Variants in PDLIM3 observed in about 807,000 individuals in gnomAD.
PDLIM3 encodes PDZ and LIM domain 3.
PDLIM3 carries 36 observed loss-of-function variants against 37.3 expected under a neutral mutation model. That is an observed-to-expected ratio of 0.97 (90% CI 0.74 to 1.28). PDLIM3 has a LOEUF of 1.28. Ranked by LOEUF, PDLIM3 falls within the 50% of genes most tolerant of loss-of-function variation. PDLIM3 has a pLI of 0.00. For synonymous variants in PDLIM3, 174 were observed against 182.4 expected (o/e 0.95, Z 0.37); for missense variants, 454 against 485.0 (o/e 0.94, Z 0.60).
intron 3 of PDLIM3, among the ~76,000 whole-genome samples, chr4:185,519,729 G>C (rs571055237): frequency 5.8e-4 from 89 of 152,254 alleles, no homozygotes; most frequent in African/African-American, 2.0e-3. Flanking sequence ...CTGTGGCTGG[G>C]CTTGGATGGT....
chr4:185,531,832 G>A (rs756903445), intron 1 of PDLIM3, among the ~76,000 whole-genome samples: 2 of 150,640 alleles, frequency 1.3e-5, no homozygotes, highest in African/African-American at 2.4e-5. Context: ...GGTGGCTCAC[G>A]ACTGTAATCA....
chr4:185,524,225 A>C (rs1286792477), intron 2 of PDLIM3, among the ~76,000 whole-genome samples: 2 of 152,114 alleles, frequency 1.3e-5, no homozygotes, highest in Non-Finnish European at 2.9e-5. Context: ...AGTGGCTCCT[A>C]AGGGACTGTG....
chr4:185,535,165 T>C (rs1264188973), intron 1 of PDLIM3, among the ~76,000 whole-genome samples, 177 bp downstream of exon 1: 4 of 152,148 alleles, frequency 2.6e-5, no homozygotes, highest in Non-Finnish European at 4.4e-5. Context: ...CCGCAGCCAC[T>C]TGACGGAGTT....
chr4:185,507,257 T>C (rs1384069706), intron 5 of PDLIM3, among the ~76,000 whole-genome samples: 3 of 152,212 alleles, frequency 2.0e-5, no homozygotes, highest in Admixed American at 6.5e-5. Context: ...CATTTTTATA[T>C]CTGCTATAAC....
At chr4:185,507,334 A>G (rs549840345) in intron 5 of PDLIM3, among the ~76,000 whole-genome samples, 2 of 152,340 alleles carry the variant, frequency 1.3e-5, no homozygotes, top group South Asian at 4.1e-4. Context: ...CAGCTTTAAC[A>G]TGCTTTCTAC....
Position 185,527,669 on chromosome 4 carries a change from AT to A in PDLIM3, c.94-2499del, listed in dbSNP as rs375352876. 2.6e-3 allele frequency among the ~76,000 whole-genome samples: 390 copies of A among 152,344 alleles called. 1 individual carries two copies. The highest frequency in any genetic ancestry group is 9.1e-3 in the African/African-American group (377 of 41,568). On this transcript the variant is annotated intron_variant, in intron 1 of 7. Transcript: ENST00000284767. ...CCCAAAGTGACTTGTAAGGATAAAA[AT>A]AATCTTAAACTTTTAATTTTCTCTC... is the stretch of plus-strand genomic sequence containing the variant.
Position 185,525,114 on chromosome 4 carries a change from C to G in PDLIM3, c.151G>C (p.Ala51Pro). The change falls in exon 2 of 8, where the codon GCT (alanine) becomes CCT (proline). Residue 51 changes from alanine (A) to proline (P), a missense_variant. Physicochemically the swap from Ala to Pro is conservative, Grantham distance 27. Transcript: ENST00000284767. Reference sequence around the variant, plus strand: ...GACTCTGTCCCAAAGCCGTCAATAGCCAGGATGACATCTCCAGGACACAGG... The same window carrying G: ...GACTCTGTCCCAAAGCCGTCAATAGGCAGGATGACATCTCCAGGACACAGG... ...ANLCPGDVILAIDGFGTESMT... is the reference protein window; with the variant it reads ...ANLCPGDVILPIDGFGTESMT... 3 of 1,614,130 alleles carry G rather than the reference C, an allele frequency of 1.9e-6. No homozygotes were observed. Among genetic ancestry groups the G allele is most frequent in the Non-Finnish European group, 2.5e-6 (3 of 1,179,962 alleles).
chr4:185,512,550 AT>A lies in PDLIM3; in HGVS notation c.398+1719del, dbSNP rs544454098. ...CCCTATGTTTAAGTTAAAATGAAAA[AT>A]TTTTTTAAAAGGTGATTATATACCT... On this transcript the variant is annotated intron_variant, in intron 4 of 7. Transcript: ENST00000284767. 1.0e-4 allele frequency: 54 copies of A among 514,538 alleles called. 1 individual carries two copies. The highest frequency in any genetic ancestry group is 8.9e-4 in the African/African-American group (43 of 48,124). The allele number at this position is 514,538 out of a possible 1,614,324, so 31.9% of individuals were successfully genotyped here. A position where few individuals can be genotyped will look rare whatever the true frequency, so the allele number is the denominator to read the frequency against.
rs2095687013 is a variant in PDLIM3, at chr4:185,501,495, A to G, written c.*799T>C. ...GACTGAATATTGATCTGAAAGAGAT[A>G]TTTAAATTGAAAGAGTCTCTGTTGA... On this transcript the variant is annotated 3_prime_UTR_variant, in exon 8 of 8. Coordinates refer to ENST00000284767, the MANE Select transcript of PDLIM3 (RefSeq NM_014476.6). 1 of 152,268 alleles carries G rather than the reference A, an allele frequency of 6.6e-6. No individual in the cohort carries two copies. Among genetic ancestry groups the G allele is most frequent in the African/African-American group, 2.4e-5 (1 of 41,464 alleles). 9.4% of individuals were successfully genotyped at this position (152,268 alleles called of 1,614,324 possible).
rs529379975 is a variant in PDLIM3, at chr4:185,535,139, A to T, written c.93+203T>A. On this transcript the variant is annotated intron_variant, in intron 1 of 7. Coordinates refer to ENST00000284767, the MANE Select transcript of PDLIM3 (RefSeq NM_014476.6). The stretch of plus-strand genomic sequence containing the variant: ...GGACACCTTTAGAGCGGACTTTGTC[A>T]AATCTCTGAGCCGCTCCGCAGCCAC... Among the ~76,000 whole-genome samples the T allele has an allele frequency of 4.6e-5, 7 of 152,266 alleles. No homozygotes were observed. The East Asian group carries it at 1.4e-3, about 29-fold the overall frequency.
rs2095692272 is a variant in PDLIM3 at position 185,504,080 on chromosome 4, T to C, written c.905+395A>G. The stretch of plus-strand genomic sequence containing the variant: ...CCTGTTGCCTGTATTTGTTTCCCTG[T>C]GTTTATACAGAGGAGGATACTATGT... On this transcript the variant is annotated intron_variant, in intron 7 of 7. Transcript: ENST00000284767. This position sits in a 1 kb window ranked among gnomAD's most constrained non-coding sequence, Gnocchi z 4.7. 6.6e-6 allele frequency among the ~76,000 whole-genome samples: 1 copy of C among 152,190 alleles called. No individual in the cohort carries two copies. The highest frequency in any genetic ancestry group is 2.4e-5 in the African/African-American group (1 of 41,436).
At position 185,530,864 on chromosome 4, in the gene PDLIM3, T is replaced by G. The variant is rs1246337471; in HGVS notation, c.93+4478A>C. Among the ~76,000 whole-genome samples the G allele has an allele frequency of 1.3e-5, 2 of 152,024 alleles. 1 individual carries two copies. Among genetic ancestry groups the G allele is most frequent in the Non-Finnish European group, 2.9e-5 (2 of 68,004 alleles). ...ATCGGCTGTCACAGTATTGCAGTGC[T>G]TGGGTTCAAGCAACCCTTATTTCAC... On this transcript the variant is annotated intron_variant, in intron 1 of 7. Transcript: ENST00000284767.
At position 185,508,125 on chromosome 4, in the gene PDLIM3, C is replaced by G. The variant is rs561504251; in HGVS notation, c.662+174G>C. 2.3e-4 allele frequency among the ~76,000 whole-genome samples: 35 copies of G among 152,174 alleles called. No individual in the cohort carries two copies. The South Asian group carries it at 7.1e-3, about 31-fold the overall frequency. Reference sequence around the variant, plus strand: ...ATAAATCCTTAGTATTTTAAAAAAGCTTTTCACATAGCTTTCTTTCCAAGC... The same window carrying G: ...ATAAATCCTTAGTATTTTAAAAAAGGTTTTCACATAGCTTTCTTTCCAAGC... On this transcript the variant is annotated intron_variant, in intron 5 of 7. Coordinates refer to ENST00000284767, the MANE Select transcript of PDLIM3 (RefSeq NM_014476.6).
intron 1 of PDLIM3, among the ~76,000 whole-genome samples, chr4:185,527,298 A>T (rs2095735967): frequency 6.6e-6 from 1 of 152,224 alleles, no homozygotes; most frequent in Non-Finnish European, 1.5e-5. Context: ...TTATTTAGGG[A>T]TCAGTAATTC....
At chr4:185,517,875 A>G (rs1580253861) in intron 3 of PDLIM3, among the ~76,000 whole-genome samples, 2 of 152,346 alleles carry the variant, frequency 1.3e-5, no homozygotes, top group South Asian at 4.2e-4. Context: ...GAGGGGCAAC[A>G]TTCTATCCAA....
At chr4:185,507,157 A>T (rs1463349249) in intron 5 of PDLIM3, 1 of 153,952 alleles carries the variant, frequency 6.5e-6, no homozygotes, top group Non-Finnish European at 1.4e-5. Flanking sequence ...CTAATTTGTT[A>T]ACCCCTGGAA....
At position 185,506,526 on chromosome 4, in the gene PDLIM3, G is replaced by A. The variant is rs1251042441; in HGVS notation, c.789C>T (p.Gly263=). Residue 263 remains glycine, a synonymous_variant, in exon 6 of 8, where the codon GGC becomes GGT. Coordinates refer to ENST00000284767, the MANE Select transcript of PDLIM3 (RefSeq NM_014476.6). ...CAGGTGTCAGCGGCTGCTCACCAGA[G>A]CCATCGTCCACCATTCCCTGGAGCA... ...FRVLQGMVDD[G]SDDRPAGTRS... is the part of the protein sequence containing the mutation. 2 of 1,613,576 alleles carry A rather than the reference G, an allele frequency of 1.2e-6. No homozygotes were observed. Among genetic ancestry groups the A allele is most frequent in the East Asian group, 2.2e-5 (1 of 44,886 alleles).
At chr4:185,520,729 CACTTTGTGCTTAGTAAATACTTGCT>C (rs1242841480) in intron 3 of PDLIM3, among the ~76,000 whole-genome samples, 1 of 65,724 alleles carries the variant, frequency 1.5e-5, no homozygotes, top group Non-Finnish European at 6.2e-5. Context: ...GGTCTAAACT[CACTTTGTGCTTAGTAAATACTTGCT>C]GAATTACTTA....
chr4:185,511,204 G>A (rs1381779894), intron 4 of PDLIM3, among the ~76,000 whole-genome samples: 1 of 152,078 alleles, frequency 6.6e-6, no homozygotes, highest in Non-Finnish European at 1.5e-5. Context: ...CCTTACATAT[G>A]TATTTAATTG....
Sources: gnomAD v4.1 joint callset for allele counts (sites outside exome capture counted in the v4.1 genomes callset) on GRCh38, gnomAD v4.1.1 for gene constraint, Gnocchi (gnomAD v3.1) non-coding constraint, MANE v1.5 for transcripts, NCBI Gene and HGNC (gene_info 2026-07-23, HGNC 2026-07-21) for gene names.